Variants in ADCY1 observed in about 807,000 individuals in gnomAD.
ADCY1 encodes the protein adenylate cyclase type 1.
A neutral mutation model predicts 105.4 loss-of-function variants in ADCY1; 28 were observed. The observed-to-expected ratio is 0.27, with a 90% CI of 0.20 to 0.36. The LOEUF is 0.36. ADCY1 is among the 10% of genes least tolerant of loss of function. The probability of loss-of-function intolerance (pLI) is 1.00; values close to 1 mark genes in which losing one functional copy is unlikely to be tolerated. For synonymous variants in ADCY1, 655 were observed against 623.8 expected (o/e 1.05, Z -0.75); for missense variants, 977 against 1,434.2 (o/e 0.68, Z 5.15).
At chr7:45,606,064 G>A (rs891085738) in intron 2 of ADCY1, among the ~76,000 whole-genome samples, 3 of 152,306 alleles carry the variant, frequency 2.0e-5, no homozygotes, top group South Asian at 4.1e-4. Flanking sequence ...GACACCATGT[G>A]GGGAGGGCTC....
intron 2 of ADCY1, among the ~76,000 whole-genome samples, chr7:45,598,143 A>G (rs1467411582): frequency 2.0e-5 from 3 of 152,212 alleles, no homozygotes; most frequent in African/African-American, 7.2e-5. Flanking sequence ...TAAGGACTTT[A>G]TTCTGCTTAA....
At chr7:45,595,518 C>T (rs1793048918) in intron 2 of ADCY1, among the ~76,000 whole-genome samples, 1 of 152,224 alleles carries the variant, frequency 6.6e-6, no homozygotes, top group Non-Finnish European at 1.5e-5. Flanking sequence ...TGTTCACCTT[C>T]TGTATTTCTT....
At chr7:45,649,954 A>G (rs1794764759) in intron 5 of ADCY1, among the ~76,000 whole-genome samples, 1 of 152,168 alleles carries the variant, frequency 6.6e-6, no homozygotes. Flanking sequence ...ACAGAGAGCC[A>G]TTGCCCCAGA....
chr7:45,580,993 GTTCCTGCAGA>G (rs1230353231), intron 1 of ADCY1, among the ~76,000 whole-genome samples: 8 of 152,164 alleles, frequency 5.3e-5, no homozygotes, highest in African/African-American at 1.9e-4. Flanking sequence ...AGGTTCACAG[GTTCCTGCAGA>G]TGCCCAGAAA....
intron 19 of ADCY1, among the ~76,000 whole-genome samples, chr7:45,711,607 G>GTATATATATATATA (rs71030888): frequency 3.5e-4 from 25 of 70,732 alleles, no homozygotes; most frequent in South Asian, 3.3e-3. Context: ...ACTTCGTGCT[G>GTATATATATATATA]TATATATATA....
At chr7:45,611,727 T>C (rs1385811155) in intron 3 of ADCY1, among the ~76,000 whole-genome samples, 1 of 152,084 alleles carries the variant, frequency 6.6e-6, no homozygotes, top group Non-Finnish European at 1.5e-5. Context: ...GCAAGTATAG[T>C]GTGCTTAGAA....
chr7:45,625,808 G>A (rs1249299485), intron 4 of ADCY1, among the ~76,000 whole-genome samples: 2 of 152,236 alleles, frequency 1.3e-5, no homozygotes, highest in African/African-American at 4.8e-5. Flanking sequence ...GTCACCTCAT[G>A]AGAAATGGGG....
intron 8 of ADCY1, among the ~76,000 whole-genome samples, chr7:45,663,051 G>T (rs1347392711): frequency 6.6e-6 from 1 of 152,238 alleles, no homozygotes; most frequent in African/African-American, 2.4e-5. Context: ...GGTAGTCTCT[G>T]CAGAGATGTC....
In ADCY1 at chr7:45,683,730, A is replaced by T. The variant is rs114769001; in HGVS notation, c.1984-1249A>T. Among the ~76,000 whole-genome samples, 983 of 152,312 alleles carry T rather than the reference A, an allele frequency of 6.5e-3. 15 individuals carry two copies. The highest frequency in any genetic ancestry group is 0.023 in the African/African-American group (938 of 41,564). ...TGGTGGGTCAGGTAACGCCCAGTTC[A>T]TGATGGGCAGCTCAGGTCATGCGGT... On this transcript the variant is annotated intron_variant, in intron 11 of 19. Coordinates refer to ENST00000297323, the MANE Select transcript of ADCY1 (RefSeq NM_021116.4).
intron 5 of ADCY1, among the ~76,000 whole-genome samples, chr7:45,649,123 G>A (rs1372795296): frequency 6.6e-6 from 1 of 152,206 alleles, no homozygotes; most frequent in African/African-American, 2.4e-5. Flanking sequence ...AAGACATACA[G>A]AAAGGTTTGG....
intron 5 of ADCY1, among the ~76,000 whole-genome samples, chr7:45,657,289 A>G (rs1014852293): frequency 1.3e-5 from 2 of 152,254 alleles, no homozygotes; most frequent in South Asian, 2.1e-4. Context: ...GCAGGTTGTC[A>G]TCTGCATCTG....
At chr7:45,611,097 G>A (rs1176058494) in intron 3 of ADCY1, among the ~76,000 whole-genome samples, 4 of 151,884 alleles carry the variant, frequency 2.6e-5, no homozygotes, top group African/African-American at 9.7e-5. Flanking sequence ...TGGTGGAGGT[G>A]GGGAGGTGAT....
At chr7:45,624,486 T>A (rs1316902653) in intron 4 of ADCY1, among the ~76,000 whole-genome samples, 1 of 152,050 alleles carries the variant, frequency 6.6e-6, no homozygotes, top group East Asian at 1.9e-4. Context: ...ATCAGCACCT[T>A]TTACTTTTCC....
chr7:45,647,282 C>A lies in ADCY1; in HGVS notation c.1021-1388C>A, dbSNP rs575781918. On this transcript the variant is annotated intron_variant, in intron 4 of 19. Transcript: ENST00000297323. The surrounding 1 kb of genome is among the most constrained non-coding windows in gnomAD (Gnocchi z 4.6). ...TGGGGCTCCCAGCGGTCGGTGTGGC[C>A]TGTCCCTGTCCTGACTCACTCTGTG... 2.0e-5 allele frequency among the ~76,000 whole-genome samples: 3 copies of A among 152,368 alleles called. No individual in the cohort carries two copies. In the South Asian group the frequency reaches 6.2e-4, roughly 32 times the overall value.
intron 11 of ADCY1, among the ~76,000 whole-genome samples, chr7:45,684,048 G>A (rs1046003259): frequency 6.6e-6 from 1 of 152,272 alleles, no homozygotes; most frequent in Non-Finnish European, 1.5e-5. Flanking sequence ...GGGACTGGGA[G>A]GGAAGTGCAG....
intron 2 of ADCY1, among the ~76,000 whole-genome samples, chr7:45,594,338 G>C (rs1793013250): frequency 6.6e-6 from 1 of 152,172 alleles, no homozygotes; most frequent in Non-Finnish European, 1.5e-5. Context: ...GTCACACAAG[G>C]AGAGATATCT....
chr7:45,681,056 T>C (rs1433617277), intron 11 of ADCY1, among the ~76,000 whole-genome samples: 2 of 152,170 alleles, frequency 1.3e-5, no homozygotes, highest in African/African-American at 4.8e-5. Context: ...TTCCCACATG[T>C]GAGGAAAGTG....
chr7:45,634,425 GTTTTTTT>G (rs35387539), intron 4 of ADCY1, among the ~76,000 whole-genome samples: 1 of 136,670 alleles, frequency 7.3e-6, no homozygotes, highest in East Asian at 2.1e-4. Flanking sequence ...AGTTTGCTGA[GTTTTTTT>G]TTTTTTTTTG....
rs1247552014 is a variant in ADCY1 at position 45,721,511 on chromosome 7, C to T, written c.*7516C>T. 3 of 396,170 alleles carry T rather than the reference C, an allele frequency of 7.6e-6. No individual in the cohort carries two copies. The highest frequency in any genetic ancestry group is 1.3e-5 in the Non-Finnish European group (3 of 225,220). 24.5% of individuals were successfully genotyped at this position (396,170 alleles called of 1,614,324 possible). On this transcript the variant is annotated 3_prime_UTR_variant, in exon 20 of 20. Transcript: ENST00000297323. ...AAATGGGGAGAAATGGTGGCACCTC[C>T]AGACACCCTGAAACTACACACCATT...
Sources: allele counts gnomAD v4.1 joint callset (sites outside exome capture counted in the v4.1 genomes callset), GRCh38; gene constraint gnomAD v4.1.1; non-coding constraint Gnocchi (gnomAD v3.1); transcripts MANE v1.5; gene names NCBI Gene and HGNC (gene_info 2026-07-23, HGNC 2026-07-21).